YTHDC1: variants seen among roughly 807,000 people sequenced by gnomAD.
YTHDC1 encodes the protein YTH domain-containing protein 1.
In YTHDC1, 12 loss-of-function variants were observed where a neutral mutation model predicts 107.0. The ratio of observed to expected loss-of-function variants is 0.11; its 90% confidence interval spans 0.07 to 0.18. The LOEUF is 0.18. YTHDC1 is among the 10% of genes least tolerant of loss of function. The pLI, the probability that YTHDC1 is intolerant of heterozygous loss-of-function variation, is 1.00. For synonymous variants in YTHDC1, 280 were observed against 289.5 expected, an observed-to-expected ratio of 0.97 and a Z score of 0.33; for missense variants, 635 against 898.8, an observed-to-expected ratio of 0.71 and a Z score of 3.75.
In YTHDC1 at chr4:68,333,692, G is replaced by C. The variant is rs549559152; in HGVS notation, c.884-295C>G. On this transcript the variant is annotated intron_variant, in intron 4 of 16. Coordinates refer to ENST00000344157, the MANE Select transcript of YTHDC1 (RefSeq NM_001031732.4). ...GCCTTGAATACAGTTTTCCAAGCGGGGGGGGAAATTTGCAAAGCAAAAACA... is the reference window on the plus strand; with the variant it reads ...GCCTTGAATACAGTTTTCCAAGCGGCGGGGGAAATTTGCAAAGCAAAAACA... Among the ~76,000 whole-genome samples, 83 of 152,144 alleles carry C rather than the reference G, an allele frequency of 5.5e-4. 1 individual carries two copies. Among genetic ancestry groups the C allele is most frequent in the South Asian group, 2.1e-4 (1 of 4,814 alleles).
rs1721522332 is a variant in YTHDC1 at position 68,313,906 on chromosome 4, T to G, written c.*193A>C. 1 of 624,684 alleles carries G rather than the reference T, an allele frequency of 1.6e-6. No homozygotes were observed. The highest frequency in any genetic ancestry group is 1.8e-5 in the African/African-American group (1 of 54,434). The allele number at this position is 624,684 out of a possible 1,614,324, so 38.7% of individuals were successfully genotyped here. A position where few individuals can be genotyped will look rare whatever the true frequency, so the allele number is the denominator to read the frequency against. On this transcript the variant is annotated 3_prime_UTR_variant, in exon 17 of 17. Transcript: ENST00000344157. ...TGTCAATTCAACTGTCAGCTGTGGA[T>G]TTTTGGCGGATTTGAGTTTTTCCAG...
At position 68,322,347 on chromosome 4, in the gene YTHDC1, C is replaced by A. The variant is rs552824870; in HGVS notation, c.1601+402G>T. 1 of 161,370 alleles carries A rather than the reference C, an allele frequency of 6.2e-6. No homozygotes were observed. The highest frequency in any genetic ancestry group is 2.4e-5 in the African/African-American group (1 of 41,810). The allele number at this position is 161,370 out of a possible 1,614,324, so 10.0% of individuals were successfully genotyped here. A position where few individuals can be genotyped will look rare whatever the true frequency, so the allele number is the denominator to read the frequency against. ...AAGTCCCATATCTGATAAGGCTTAT[C>A]CAGAGACATACCTGAAAGAAAAGGC... is the stretch of plus-strand genomic sequence containing the variant. On this transcript the variant is annotated intron_variant, in intron 11 of 16. Coordinates refer to ENST00000344157, the MANE Select transcript of YTHDC1 (RefSeq NM_001031732.4). The surrounding 1 kb of genome is among the most constrained non-coding windows in gnomAD (Gnocchi z 4.8).
At position 68,321,109 on chromosome 4, in the gene YTHDC1, C is replaced by CA. The variant is rs201885399; in HGVS notation, c.1602-905dup. Among the ~76,000 whole-genome samples, 470 of 149,906 alleles carry CA rather than the reference C, an allele frequency of 3.1e-3. 2 individuals are homozygous for CA. Among genetic ancestry groups the CA allele is most frequent in the African/African-American group, 0.011 (442 of 40,952 alleles). On this transcript the variant is annotated intron_variant, in intron 11 of 16. Transcript: ENST00000344157. Reference sequence around the variant, plus strand: ...ACTTAGCAGCTAATAAAGAGTTAAACAAAAAAAAAGTCCAAAATATTTAGA... The same window carrying CA: ...ACTTAGCAGCTAATAAAGAGTTAAACAAAAAAAAAAGTCCAAAATATTTAGA...
At chr4:68,333,956 T>C (rs568209408) in intron 4 of YTHDC1, among the ~76,000 whole-genome samples, 14 of 152,188 alleles carry the variant, frequency 9.2e-5, no homozygotes, top group Non-Finnish European at 2.9e-5. Flanking sequence ...CCTTAGCCAT[T>C]TCCTCCCTGG....
chr4:68,345,221 T>A (rs557716861), intron 1 of YTHDC1, among the ~76,000 whole-genome samples: 2 of 152,236 alleles, frequency 1.3e-5, no homozygotes, highest in Non-Finnish European at 2.9e-5. Flanking sequence ...TCTAGGGATA[T>A]CAGGGTAGAA....
chr4:68,323,994 T>C (rs1476388710), intron 10 of YTHDC1, 145 bp downstream of exon 10: 1 of 659,002 alleles, frequency 1.5e-6, no homozygotes, highest in East Asian at 2.7e-5. Flanking sequence ...TCAATCACAG[T>C]TATTATAAAC....
intron 9 of YTHDC1, among the ~76,000 whole-genome samples, chr4:68,325,135 CTG>C (rs1297311285): frequency 1.3e-5 from 2 of 152,164 alleles, no homozygotes; most frequent in African/African-American, 2.4e-5. Context: ...ACAAATGAAA[CTG>C]TTCAGCCAAA....
intron 12 of YTHDC1, 81 bp downstream of exon 12, chr4:68,320,042 G>A (rs1046832704): frequency 1.5e-5 from 18 of 1,238,556 alleles, no homozygotes; most frequent in Non-Finnish European, 2.0e-5. Flanking sequence ...AAAACTGCAG[G>A]ATTGTGAGGG....
intron 4 of YTHDC1, among the ~76,000 whole-genome samples, chr4:68,334,946 T>C (rs1207854983): frequency 1.3e-5 from 2 of 152,162 alleles, no homozygotes; most frequent in Non-Finnish European, 2.9e-5. Context: ...CCTACTCAAT[T>C]GTTTTTATAT....
At position 68,312,688 on chromosome 4, in the gene YTHDC1, T is replaced by C. The variant is rs911577229; in HGVS notation, c.*1411A>G. On this transcript the variant is annotated 3_prime_UTR_variant, in exon 17 of 17. Transcript: ENST00000344157. ...TCCTTTAAGAGTAAAGTGCCTGTGT[T>C]GTTCTTTTCAGGCCAATATAGATTA... is the stretch of plus-strand genomic sequence containing the variant. 3.3e-5 allele frequency: 5 copies of C among 152,230 alleles called. No homozygotes were observed. Among genetic ancestry groups the C allele is most frequent in the Non-Finnish European group, 5.9e-5 (4 of 68,042 alleles). The allele number at this position is 152,230 out of a possible 1,614,324, so 9.4% of individuals were successfully genotyped here.
chr4:68,330,647 C>G (rs969517347), intron 7 of YTHDC1, among the ~76,000 whole-genome samples: 2 of 152,080 alleles, frequency 1.3e-5, no homozygotes, highest in African/African-American at 4.8e-5. Context: ...GTAAATACAT[C>G]CTGTTTGAAG....
intron 6 of YTHDC1, 146 bp from the exon 7 acceptor site, chr4:68,332,343 C>T (rs868165075): frequency 4.1e-6 from 2 of 491,954 alleles, no homozygotes. Context: ...AAGGCTAAGC[C>T]ACATGTAATA....
rs1287666639 is a variant in YTHDC1, at chr4:68,312,773, T to A, written c.*1326A>T. 1 of 152,154 alleles carries A rather than the reference T, an allele frequency of 6.6e-6. No homozygotes were observed. The highest frequency in any genetic ancestry group is 1.5e-5 in the Non-Finnish European group (1 of 68,014). The allele number at this position is 152,154 out of a possible 1,614,324, so 9.4% of individuals were successfully genotyped here. On this transcript the variant is annotated 3_prime_UTR_variant, in exon 17 of 17. Coordinates refer to ENST00000344157, the MANE Select transcript of YTHDC1 (RefSeq NM_001031732.4). ...TACAACTGTTGATACTATAAAAAAATCAAACATTCAAATATTCCTAATGTT... is the reference window on the plus strand; with the variant it reads ...TACAACTGTTGATACTATAAAAAAAACAAACATTCAAATATTCCTAATGTT...
chr4:68,324,010 A>T, intron 10 of YTHDC1, 129 bp downstream of exon 10: 1 of 758,552 alleles, frequency 1.3e-6, no homozygotes. Flanking sequence ...TAAACTTCAG[A>T]TAAGATTATT....
At chr4:68,341,520 T>C (rs1029912618) in intron 1 of YTHDC1, among the ~76,000 whole-genome samples, 1 of 152,010 alleles carries the variant, frequency 6.6e-6, no homozygotes, top group Non-Finnish European at 1.5e-5. Flanking sequence ...AGGATAAACA[T>C]GGCCCATTGC....
chr4:68,345,968 T>C (rs918121293), intron 1 of YTHDC1, among the ~76,000 whole-genome samples: 4 of 151,884 alleles, frequency 2.6e-5, no homozygotes, highest in African/African-American at 4.8e-5. Context: ...AAACACACTA[T>C]GATAACACAA....
At chr4:68,317,825 G>C (rs1366996720) in intron 15 of YTHDC1, among the ~76,000 whole-genome samples, 1 of 152,182 alleles carries the variant, frequency 6.6e-6, no homozygotes, top group Non-Finnish European at 1.5e-5. Flanking sequence ...GCCTTGCACA[G>C]AGTAAGTACT....
intron 4 of YTHDC1, 23 bp downstream of exon 4, chr4:68,337,004 C>A: frequency 6.5e-7 from 1 of 1,548,238 alleles, no homozygotes; most frequent in Non-Finnish European, 8.7e-7. Flanking sequence ...TTAAGACAAA[C>A]TTTTACATAT....
chr4:68,320,110 A>C lies in YTHDC1; in HGVS notation c.1684+13T>G. On this transcript the variant is annotated intron_variant, in intron 12 of 16. Coordinates refer to ENST00000344157, the MANE Select transcript of YTHDC1 (RefSeq NM_001031732.4). ...TTTGAAATCAAATATCTGCAGGATT[A>C]TAAAATATTAACCTGGTCTCTGGTG... 6.3e-7 allele frequency: 1 copy of C among 1,575,766 alleles called. No individual in the cohort carries two copies. Among genetic ancestry groups the C allele is most frequent in the Non-Finnish European group, 8.6e-7 (1 of 1,159,178 alleles).
Sources: gnomAD v4.1 joint callset for allele counts (sites outside exome capture counted in the v4.1 genomes callset) on GRCh38, gnomAD v4.1.1 for gene constraint, Gnocchi (gnomAD v3.1) non-coding constraint, MANE v1.5 for transcripts, NCBI Gene and HGNC (gene_info 2026-07-23, HGNC 2026-07-21) for gene names.